The following CFAP61 variants were observed in gnomAD, a reference collection of about 807,000 sequenced individuals.
The protein encoded by CFAP61 is cilia- and flagella-associated protein 61.
A neutral mutation model predicts 135.6 loss-of-function variants in CFAP61; 107 were observed. The ratio of observed to expected loss-of-function variants is 0.79; its 90% CI spans 0.67 to 0.93. CFAP61 has a LOEUF of 0.93. Among genes scored for constraint, CFAP61 ranks in the 40% least tolerant of loss-of-function variants. The pLI is 0.00. For missense variants in CFAP61, 1,507 were observed against 1,556.2 expected (o/e 0.97, Z 0.53); for synonymous variants, 575 against 578.5 (o/e 0.99, Z 0.09).
intron 11 of CFAP61, 32 bp from the exon 12 acceptor site, chr20:20,166,365 G>T (rs747209847): frequency 6.2e-7 from 1 of 1,601,736 alleles, no homozygotes; most frequent in Non-Finnish European, 8.6e-7. Context: ...TTGCTTGCAG[G>T]GCACTGACAG....
chr20:20,118,436 G>A (rs2049352021), intron 8 of CFAP61, among the ~76,000 whole-genome samples: 2 of 150,680 alleles, frequency 1.3e-5, no homozygotes, highest in Non-Finnish European at 3.0e-5. Context: ...CACCTCCCAG[G>A]TTCAAGCAGT....
chr20:20,333,986 A>G (rs1304400194), intron 25 of CFAP61, among the ~76,000 whole-genome samples: 6 of 152,032 alleles, frequency 3.9e-5, no homozygotes, highest in Admixed American at 3.3e-4. Flanking sequence ...AACACACATC[A>G]TGCTGGTCCC....
intron 9 of CFAP61, among the ~76,000 whole-genome samples, chr20:20,147,232 T>C (rs2051967236): frequency 6.6e-6 from 1 of 152,244 alleles, no homozygotes; most frequent in Admixed American, 6.5e-5. Context: ...CTTTTTCATA[T>C]AATGACTTCT....
chr20:20,118,525 G>C (rs1249262298), intron 8 of CFAP61, among the ~76,000 whole-genome samples: 1 of 151,774 alleles, frequency 6.6e-6, no homozygotes, highest in Non-Finnish European at 1.5e-5. Context: ...ATTTTTAGTA[G>C]AGATGGGGTT....
intron 25 of CFAP61, among the ~76,000 whole-genome samples, chr20:20,303,291 A>G (rs547583525): frequency 2.6e-5 from 4 of 152,342 alleles, no homozygotes; most frequent in African/African-American, 9.6e-5. Context: ...GTTTGAGACT[A>G]CTACAGGGAG....
chr20:20,144,552 A>G (rs1465549546), intron 9 of CFAP61, among the ~76,000 whole-genome samples: 2 of 152,124 alleles, frequency 1.3e-5, no homozygotes, highest in Non-Finnish European at 2.9e-5. Flanking sequence ...ACAACTTCAG[A>G]GACCTAATAT....
chr20:20,085,252 C>T (rs1028985773), intron 6 of CFAP61: 19 of 985,276 alleles, frequency 1.9e-5, no homozygotes, highest in African/African-American at 1.4e-4. Context: ...AGAACAGTCA[C>T]GTTGAAACAT....
intron 25 of CFAP61, among the ~76,000 whole-genome samples, chr20:20,302,733 G>A (rs1175801759): frequency 6.6e-6 from 1 of 152,132 alleles, no homozygotes; most frequent in Non-Finnish European, 1.5e-5. Flanking sequence ...ATTTGAAAGG[G>A]AAAGTGTTCA....
chr20:20,117,513 A>G (rs1369435803), intron 8 of CFAP61, among the ~76,000 whole-genome samples: 3 of 152,126 alleles, frequency 2.0e-5, no homozygotes, highest in African/African-American at 7.2e-5. Context: ...TTTTAAAGTC[A>G]GGTAGTGTGA....
At chr20:20,089,587 GAAAAA>G (rs11468839) in intron 6 of CFAP61, among the ~76,000 whole-genome samples, 1 of 136,156 alleles carries the variant, frequency 7.3e-6, no homozygotes, top group African/African-American at 2.8e-5. Flanking sequence ...GAGTATCAGA[GAAAAA>G]AAAAAAAAAG....
intron 26 of CFAP61, among the ~76,000 whole-genome samples, chr20:20,344,391 T>A (rs938074586): frequency 6.6e-6 from 1 of 152,192 alleles, no homozygotes; most frequent in African/African-American, 2.4e-5. Context: ...CCAAAGAGTC[T>A]GGTATTAGGA....
intron 2 of CFAP61, among the ~76,000 whole-genome samples, chr20:20,066,899 G>A (rs2045314542): frequency 6.6e-6 from 1 of 152,160 alleles, no homozygotes; most frequent in African/African-American, 2.4e-5. Flanking sequence ...TATTTTATGG[G>A]TTGTTTACTG....
chr20:20,094,771 T>C (rs547866517), intron 7 of CFAP61: 1 of 152,338 alleles, frequency 6.6e-6, no homozygotes, highest in African/African-American at 2.4e-5. Context: ...GATCTTAAAA[T>C]GGAAGGGCAG....
At chr20:20,261,636 A>C (rs2052228230) in intron 20 of CFAP61, among the ~76,000 whole-genome samples, 1 of 152,098 alleles carries the variant, frequency 6.6e-6, no homozygotes, top group South Asian at 2.1e-4. Flanking sequence ...TTGCAATGAC[A>C]CTTCTTTGTC....
intron 7 of CFAP61, among the ~76,000 whole-genome samples, chr20:20,091,689 A>T (rs998507233): frequency 2.6e-4 from 40 of 151,944 alleles, no homozygotes; most frequent in African/African-American, 8.9e-4. Flanking sequence ...TATTATTATT[A>T]TTTTTTGAGA....
chr20:20,133,804 T>C (rs2050718967), intron 8 of CFAP61, among the ~76,000 whole-genome samples: 1 of 152,222 alleles, frequency 6.6e-6, no homozygotes. Flanking sequence ...TTGGGAATTG[T>C]CAACGTATTA....
chr20:20,346,806 A>T (rs146740855), intron 26 of CFAP61, among the ~76,000 whole-genome samples: 107 of 152,388 alleles, frequency 7.0e-4, no homozygotes, highest in African/African-American at 2.4e-3. Flanking sequence ...TTCTAAAACA[A>T]TAATGCAGAC....
intron 13 of CFAP61, among the ~76,000 whole-genome samples, chr20:20,176,692 G>A (rs1234516790): frequency 6.6e-6 from 1 of 152,068 alleles, no homozygotes; most frequent in Non-Finnish European, 1.5e-5. Context: ...CCGGGAGCGG[G>A]GAACAACACA....
At chr20:20,357,172 C>CTG (rs1569334678) in intron 26 of CFAP61, among the ~76,000 whole-genome samples, 4 of 81,288 alleles carry the variant, frequency 4.9e-5, no homozygotes, top group South Asian at 4.3e-4. Context: ...GGTGGTCACA[C>CTG]TGAGGGGAGG....
Sources: allele counts gnomAD v4.1 joint callset (sites outside exome capture counted in the v4.1 genomes callset), GRCh38; gene constraint gnomAD v4.1.1; transcripts MANE v1.5; gene names NCBI Gene and HGNC (gene_info 2026-07-23, HGNC 2026-07-21).